The following SLC16A1 variants were observed in gnomAD, a reference collection of about 807,000 sequenced individuals.
The protein encoded by SLC16A1 is monocarboxylate transporter 1.
Under a neutral mutation model 32.2 loss-of-function variants are expected in SLC16A1, and 11 were observed. The ratio of observed to expected loss-of-function variants is 0.34; its 90% CI spans 0.21 to 0.56. SLC16A1 has a LOEUF of 0.56. SLC16A1 is among the 20% of genes least tolerant of loss of function. The pLI, the probability that SLC16A1 is intolerant of heterozygous loss-of-function variation, is 0.87. For synonymous variants in SLC16A1, 231 were observed against 226.8 expected (o/e 1.02, Z -0.17); for missense variants, 435 against 615.0 (o/e 0.71, Z 3.10).
chr1:112,916,496 T>TAA (rs570173297), intron 4 of SLC16A1, among the ~76,000 whole-genome samples: 990 of 61,204 alleles, frequency 0.016, 46 homozygotes, highest in African/African-American at 0.056. Flanking sequence ...AAGACTGTCT[T>TAA]AAAAAAAAAA....
intron 4 of SLC16A1, among the ~76,000 whole-genome samples, chr1:112,915,422 AGAGCAG>A (rs1648467212): frequency 6.6e-6 from 1 of 152,166 alleles, no homozygotes; most frequent in Non-Finnish European, 1.5e-5. Flanking sequence ...TGGGGCACAG[AGAGCAG>A]GAGGCCAGTG....
rs577937593 is a variant in SLC16A1, at chr1:112,945,494, G to A, written c.-45+10541C>T. On this transcript the variant is annotated intron_variant, in intron 1 of 4. Transcript: ENST00000369626. ...GCTTGAGACCAGCCTGGCCAACGTG[G>A]TGAAACCCCGTCTCTACTAAAAATA... 1.3e-4 allele frequency among the ~76,000 whole-genome samples: 19 copies of A among 151,346 alleles called. No individual in the cohort carries two copies. The South Asian group carries it at 3.4e-3, about 27-fold the overall frequency.
chr1:112,936,216 T>TAGAAAAC (rs63401760), intron 1 of SLC16A1, among the ~76,000 whole-genome samples: 4 of 21,324 alleles, frequency 1.9e-4, no homozygotes, highest in Admixed American at 3.3e-4. Flanking sequence ...AATTCTAACT[T>TAGAAAAC]AGAGAAGGCA....
chr1:112,933,627 T>C (rs1649210265), intron 1 of SLC16A1, among the ~76,000 whole-genome samples: 1 of 152,050 alleles, frequency 6.6e-6, no homozygotes, highest in African/African-American at 2.4e-5. Context: ...TCACCAAAGA[T>C]ACATGAATGA....
At chr1:112,941,562 T>C (rs1649514539) in intron 1 of SLC16A1, among the ~76,000 whole-genome samples, 2 of 152,150 alleles carry the variant, frequency 1.3e-5, no homozygotes, top group South Asian at 4.2e-4. Flanking sequence ...GGATTACAGG[T>C]GTGAGCCACC....
chr1:112,921,833 GC>G (rs1431585722), intron 3 of SLC16A1, among the ~76,000 whole-genome samples, 156 bp downstream of exon 3: 4 of 152,096 alleles, frequency 2.6e-5, no homozygotes, highest in Non-Finnish European at 5.9e-5. Flanking sequence ...TTAAAAGTTT[GC>G]TTTTCTAGTA....
At chr1:112,928,456 G>A (rs1198847031) in intron 2 of SLC16A1, among the ~76,000 whole-genome samples, 2 of 152,156 alleles carry the variant, frequency 1.3e-5, no homozygotes, top group East Asian at 3.8e-4. Context: ...TTGAAACCAA[G>A]AATCATTACA....
rs1038311763 is a variant in SLC16A1, at chr1:112,913,105, G to C, written c.*786C>G. ...TCCAGTAAGAAAAATAATACCAGGT[G>C]ATTTCAAAAAGGGCAGTGATCTATA... On this transcript the variant is annotated 3_prime_UTR_variant, in exon 5 of 5. Transcript: ENST00000369626. 6.6e-6 allele frequency: 1 copy of C among 152,180 alleles called. No homozygotes were observed. Among genetic ancestry groups the C allele is most frequent in the Non-Finnish European group, 1.5e-5 (1 of 68,026 alleles). 9.4% of individuals were successfully genotyped at this position (152,180 alleles called of 1,614,324 possible).
intron 1 of SLC16A1, among the ~76,000 whole-genome samples, chr1:112,939,039 C>T (rs1033547531): frequency 6.6e-6 from 1 of 151,714 alleles, no homozygotes; most frequent in Non-Finnish European, 1.5e-5. Flanking sequence ...TGCAGGCACA[C>T]GCCACCATGC....
At chr1:112,919,992 C>T (rs2101624108) in intron 3 of SLC16A1, among the ~76,000 whole-genome samples, 1 of 152,202 alleles carries the variant, frequency 6.6e-6, no homozygotes, top group South Asian at 2.1e-4. Context: ...AGTGTAACTG[C>T]CTGACTTGTT....
In SLC16A1 at chr1:112,913,674, ACTTCTTTCCCCCAT is replaced by A. The variant is rs1181291023; in HGVS notation, c.*203_*216del. The A allele has an allele frequency of 1.7e-6, 1 of 601,810 alleles. No individual in the cohort carries two copies. Among genetic ancestry groups the A allele is most frequent in the East Asian group, 2.8e-5 (1 of 35,374 alleles). 37.3% of individuals were successfully genotyped at this position (601,810 alleles called of 1,614,324 possible). A position where few individuals can be genotyped will look rare whatever the true frequency, so the allele number is the denominator to read the frequency against. ...ATTAAAACAAAACAAAACAGAACCTACTTCTTTCCCCCATCCTTTGCTACCAATCATTCCCTCCT... is the reference window on the plus strand; with the variant it reads ...ATTAAAACAAAACAAAACAGAACCTACCTTTGCTACCAATCATTCCCTCCT... On this transcript the variant is annotated 3_prime_UTR_variant, in exon 5 of 5. Coordinates refer to ENST00000369626, the MANE Select transcript of SLC16A1 (RefSeq NM_003051.4).
In SLC16A1 at chr1:112,917,182, A is replaced by G. The variant is rs745785849; in HGVS notation, c.1224T>C (p.Leu408=). Reference sequence around the variant, plus strand: ...TAGTAGGGAGATATACTATACCTAAAAGTGGTGGCCCCAGGAGGACAGGAC... The same window carrying G: ...TAGTAGGGAGATATACTATACCTAAGAGTGGTGGCCCCAGGAGGACAGGAC... The part of the protein sequence containing the change: ...ECCPVLLGPP[L]LGRLNDMYGD... The change falls in exon 4 of 5, where the codon CTT becomes CTC. Residue 408 remains leucine, a synonymous_variant. Transcript: ENST00000369626. This position sits in a 1 kb window ranked among gnomAD's most constrained non-coding sequence, Gnocchi z 4.1. 8 of 1,614,164 alleles carry G rather than the reference A, an allele frequency of 5.0e-6. No homozygotes were observed. The South Asian group carries it at 8.8e-5, about 18-fold the overall frequency.
At chr1:112,922,315 T>A in intron 2 of SLC16A1, 182 bp from the exon 3 acceptor site, 1 of 634,572 alleles carries the variant, frequency 1.6e-6, no homozygotes. Context: ...AAAACATAAT[T>A]AATTGTGCAG....
intron 3 of SLC16A1, among the ~76,000 whole-genome samples, chr1:112,919,224 C>T (rs1258568672): frequency 2.0e-5 from 3 of 151,738 alleles, no homozygotes; most frequent in Non-Finnish European, 4.4e-5. Flanking sequence ...TTAGTAGAGA[C>T]GGGGTTTCAC....
chr1:112,933,208 G>A (rs1253969021), intron 1 of SLC16A1, among the ~76,000 whole-genome samples: 2 of 152,046 alleles, frequency 1.3e-5, no homozygotes, highest in African/African-American at 2.4e-5. Flanking sequence ...AGTGGCTCAC[G>A]CCTGTAATCC....
chr1:112,918,906 A>C (rs1648611685), intron 3 of SLC16A1, among the ~76,000 whole-genome samples: 1 of 152,150 alleles, frequency 6.6e-6, no homozygotes, highest in Non-Finnish European at 1.5e-5. Flanking sequence ...CAATTGTGAA[A>C]CTTTCCTGAG....
At position 112,943,558 on chromosome 1, in the gene SLC16A1, C is replaced by A. The variant is rs181353765; in HGVS notation, c.-45+12477G>T. ...ATCCCAGCACTTTGGGAGGTCAAGGCGGGTGGATCACCTGAGGTCAGGAGT... is the reference window on the plus strand; with the variant it reads ...ATCCCAGCACTTTGGGAGGTCAAGGAGGGTGGATCACCTGAGGTCAGGAGT... On this transcript the variant is annotated intron_variant, in intron 1 of 4. Coordinates refer to ENST00000369626, the MANE Select transcript of SLC16A1 (RefSeq NM_003051.4). Among the ~76,000 whole-genome samples, 239 of 152,020 alleles carry A rather than the reference C, an allele frequency of 1.6e-3. 1 individual carries two copies. The highest frequency in any genetic ancestry group is 5.5e-3 in the African/African-American group (229 of 41,496).
At position 112,950,146 on chromosome 1, in the gene SLC16A1, A is replaced by G. The variant is rs190881217; in HGVS notation, c.-45+5889T>C. The stretch of plus-strand genomic sequence containing the variant: ...TTTAGTTATAGGTTAATGAAAAGAT[A>G]TAATATTTTTCCCCCAAACAAGTTC... On this transcript the variant is annotated intron_variant, in intron 1 of 4. Coordinates refer to ENST00000369626, the MANE Select transcript of SLC16A1 (RefSeq NM_003051.4). Among the ~76,000 whole-genome samples, 17 of 124,582 alleles carry G rather than the reference A, an allele frequency of 1.4e-4. No individual in the cohort carries two copies. In the East Asian group the frequency reaches 3.0e-3, roughly 22 times the overall value. The allele number at this position is 124,582 out of a possible 152,430, so 81.7% of individuals were successfully genotyped here.
intron 1 of SLC16A1, among the ~76,000 whole-genome samples, chr1:112,934,871 C>T (rs1053084750): frequency 1.3e-5 from 2 of 152,084 alleles, no homozygotes; most frequent in Non-Finnish European, 2.9e-5. Context: ...AAAGGCCTGC[C>T]AAACATAAGC....
Sources: allele counts gnomAD v4.1 joint callset (sites outside exome capture counted in the v4.1 genomes callset), GRCh38; gene constraint gnomAD v4.1.1; non-coding constraint Gnocchi (gnomAD v3.1); transcripts MANE v1.5; gene names NCBI Gene and HGNC (gene_info 2026-07-23, HGNC 2026-07-21).